NRG1: variants seen among roughly 807,000 people sequenced by gnomAD.
NRG1 encodes the protein pro-neuregulin-1, membrane-bound isoform.
NRG1 carries 18 observed loss-of-function variants against 63.8 expected under a neutral mutation model. The ratio of observed to expected loss-of-function variants is 0.28; its 90% CI spans 0.19 to 0.42. The LOEUF (loss-of-function observed/expected upper bound fraction) is 0.42, where lower values mean the gene tolerates loss of function less well. Among genes scored for constraint, NRG1 ranks in the 10% least tolerant of loss-of-function variants. The pLI, the probability that NRG1 is intolerant of heterozygous loss-of-function variation, is 1.00. For missense variants in NRG1, 762 were observed against 814.7 expected (o/e 0.94, Z 0.79); for synonymous variants, 302 against 301.3 (o/e 1.00, Z -0.02).
intron 1 of NRG1, among the ~76,000 whole-genome samples, chr8:31,785,694 T>TA (rs1056053778): frequency 6.6e-5 from 10 of 152,232 alleles, no homozygotes; most frequent in Non-Finnish European, 1.0e-4. Context: ...TATGTGTGGT[T>TA]AAAAAAATCT....
intron 1 of NRG1, among the ~76,000 whole-genome samples, chr8:31,715,241 G>T (rs576917154): frequency 6.6e-6 from 1 of 152,222 alleles, no homozygotes; most frequent in East Asian, 1.9e-4. Context: ...TGTAATATTA[G>T]AGGTGGAAAC....
intron 1 of NRG1, among the ~76,000 whole-genome samples, chr8:32,185,157 C>T (rs899353921): frequency 6.6e-6 from 1 of 152,190 alleles, no homozygotes; most frequent in Non-Finnish European, 1.5e-5. Context: ...CATGCGTACA[C>T]ACACAAACAC....
intron 1 of NRG1, among the ~76,000 whole-genome samples, chr8:31,727,926 T>C (rs531509083): frequency 7.9e-5 from 12 of 152,208 alleles, no homozygotes; most frequent in African/African-American, 2.6e-4. Context: ...ACAAGAGCAC[T>C]AGGATATTGT....
intron 1 of NRG1, among the ~76,000 whole-genome samples, chr8:31,762,240 C>T (rs4557661): frequency 0.74 from 112,169 of 152,096 alleles, 41,857 homozygotes; most frequent in East Asian, 0.99. Context: ...ATTCCCCTCT[C>T]TGTGTCCATG....
chr8:32,195,276 C>A (rs958079040), intron 1 of NRG1, among the ~76,000 whole-genome samples: 1 of 151,872 alleles, frequency 6.6e-6, no homozygotes, highest in Non-Finnish European at 1.5e-5. Context: ...TCTACAAAAA[C>A]TATATTAAAA....
chr8:32,273,779 G>A (rs1170666660), intron 1 of NRG1, among the ~76,000 whole-genome samples: 1 of 152,176 alleles, frequency 6.6e-6, no homozygotes, highest in Non-Finnish European at 1.5e-5. Context: ...AACTTTAAAG[G>A]TAATGTATTT....
At chr8:31,917,313 T>G (rs907220595) in intron 1 of NRG1, among the ~76,000 whole-genome samples, 9 of 148,908 alleles carry the variant, frequency 6.0e-5, no homozygotes, top group Non-Finnish European at 1.3e-4. Flanking sequence ...TGCCTAGGTT[T>G]TCTTCTACGG....
chr8:31,921,461 C>CACACAT (rs1833908952), intron 1 of NRG1, among the ~76,000 whole-genome samples: 1 of 84,102 alleles, frequency 1.2e-5, no homozygotes, highest in Non-Finnish European at 2.2e-5. Context: ...AATCTATTTA[C>CACACAT]ACACATACAC....
At position 32,732,182 on chromosome 8, in the gene NRG1, T is replaced by C. The variant is rs181796630; in HGVS notation, c.632+4104T>C. Among the ~76,000 whole-genome samples, 14 of 152,326 alleles carry C rather than the reference T, an allele frequency of 9.2e-5. No homozygotes were observed. The East Asian group carries it at 2.7e-3, about 29-fold the overall frequency. ...TTTATATTTTGTTTCTCTACAGTAATTTAAAATTTATTCTGTGGAAAAAAT... is the reference window on the plus strand; with the variant it reads ...TTTATATTTTGTTTCTCTACAGTAACTTAAAATTTATTCTGTGGAAAAAAT... On this transcript the variant is annotated intron_variant, in intron 6 of 11. Transcript: ENST00000356819.
intron 1 of NRG1, among the ~76,000 whole-genome samples, chr8:32,121,610 C>G (rs1302162023): frequency 6.6e-6 from 1 of 151,896 alleles, no homozygotes; most frequent in Non-Finnish European, 1.5e-5. Context: ...AGACTTAATT[C>G]TTGATAGCTG....
At chr8:32,692,347 G>C (rs1026368310) in intron 5 of NRG1, among the ~76,000 whole-genome samples, 1 of 152,150 alleles carries the variant, frequency 6.6e-6, no homozygotes, top group South Asian at 2.1e-4. Context: ...AAGTCAATTT[G>C]TCCAGCAGCA....
chr8:31,726,348 G>T (rs1813439026), intron 1 of NRG1, among the ~76,000 whole-genome samples: 2 of 152,118 alleles, frequency 1.3e-5, no homozygotes, highest in African/African-American at 4.8e-5. Context: ...TCAACAACCT[G>T]GCAGCAAGTA....
At chr8:32,724,325 T>C (rs575091384) in intron 5 of NRG1, among the ~76,000 whole-genome samples, 3 of 152,296 alleles carry the variant, frequency 2.0e-5, no homozygotes, top group East Asian at 3.9e-4. Context: ...GGAACAACTA[T>C]TGGGGGGTAT....
chr8:32,594,463 T>G (rs1843021680), intron 1 of NRG1, among the ~76,000 whole-genome samples: 1 of 152,280 alleles, frequency 6.6e-6, no homozygotes, highest in South Asian at 2.1e-4. Flanking sequence ...CATCTATGCT[T>G]TTAAGAAATG....
exon 1 of NRG1, chr8:32,548,783 C>T: frequency 6.3e-7 from 1 of 1,589,074 alleles, no homozygotes; most frequent in Non-Finnish European, 8.5e-7. Context: ...AGGAGCGAGG[C>T]TCCGGCAAGA....
At position 32,509,533 on chromosome 8, in the gene NRG1, T is replaced by G. The variant is rs372218191; in HGVS notation, c.38-86295T>G. On this transcript the variant is annotated intron_variant, in intron 1 of 10. Transcript: ENST00000519301. ...AAGGTTTTGGATGCCATTGCCAAAG[T>G]AGATTGAAGAGGAATTGGAATTTGA... Among the ~76,000 whole-genome samples the G allele has an allele frequency of 1.9e-4, 29 of 152,234 alleles. No individual in the cohort carries two copies. The East Asian group carries it at 5.6e-3, about 29-fold the overall frequency.
intron 2 of NRG1, among the ~76,000 whole-genome samples, chr8:32,597,124 C>T (rs544936250): frequency 6.5e-4 from 99 of 152,226 alleles, no homozygotes; most frequent in African/African-American, 2.3e-3. Flanking sequence ...CTTTAATCAA[C>T]GTGACATGTA....
intron 1 of NRG1, among the ~76,000 whole-genome samples, chr8:31,914,400 C>T (rs534861391): frequency 6.9e-6 from 1 of 144,694 alleles, no homozygotes; most frequent in South Asian, 2.3e-4. Context: ...AATTTCCTGG[C>T]CAGTTTTTGG....
intron 1 of NRG1, among the ~76,000 whole-genome samples, chr8:31,718,460 A>G (rs1339571358): frequency 6.6e-6 from 1 of 152,200 alleles, no homozygotes; most frequent in Non-Finnish European, 1.5e-5. Context: ...GGGCACAGTC[A>G]CTTCCATAAA....
Sources: gnomAD v4.1 joint callset for allele counts (sites outside exome capture counted in the v4.1 genomes callset) on GRCh38, gnomAD v4.1.1 for gene constraint, MANE v1.5 for transcripts, NCBI Gene and HGNC (gene_info 2026-07-23, HGNC 2026-07-21) for gene names.